The following PAPPA2 variants were observed in gnomAD, a reference collection of about 807,000 sequenced individuals.
PAPPA2 encodes pappalysin 2, also known as pappalysin-2.
A neutral mutation model predicts 176.4 loss-of-function variants in PAPPA2; 86 were observed. That is an observed-to-expected ratio of 0.49 (90% CI 0.41 to 0.58). The LOEUF (loss-of-function observed/expected upper bound fraction) is 0.58, where lower values mean the gene tolerates loss of function less well. Ranked by LOEUF, PAPPA2 falls within the 20% of genes least tolerant of loss-of-function variation. The pLI, the probability that PAPPA2 is intolerant of heterozygous loss-of-function variation, is 0.00. For synonymous variants in PAPPA2, 809 were observed against 852.2 expected (o/e 0.95, Z 0.88); for missense variants, 2,073 against 2,256.9 (o/e 0.92, Z 1.65).
intron 1 of PAPPA2, among the ~76,000 whole-genome samples, chr1:176,469,417 C>T (rs146205230): frequency 7.0e-4 from 107 of 152,236 alleles, no homozygotes; most frequent in African/African-American, 2.4e-3. Context: ...ATAACACACA[C>T]ACCCCTCTAG....
At chr1:176,485,762 T>C (rs1425017063) in intron 1 of PAPPA2, among the ~76,000 whole-genome samples, 3 of 152,074 alleles carry the variant, frequency 2.0e-5, no homozygotes, top group Non-Finnish European at 2.9e-5. Context: ...AATTCAGTGA[T>C]TGGGAATTTG....
At position 176,595,598 on chromosome 1, in the gene PAPPA2, A is replaced by G. The variant is rs774404842; in HGVS notation, c.1991+3A>G. On this transcript the variant is annotated splice_donor_region_variant and intron_variant, in intron 3 of 22. Transcript: ENST00000367662. Reference sequence around the variant, plus strand: ...TTTGACCCTGACTCACCCAAGAGGTAAGGGACTGGGATTTGGGGTGTCCTA... The same window carrying G: ...TTTGACCCTGACTCACCCAAGAGGTGAGGGACTGGGATTTGGGGTGTCCTA... 5.6e-6 allele frequency: 9 copies of G among 1,605,498 alleles called. No individual in the cohort carries two copies.
At chr1:176,679,954 T>A (rs1659500928) in intron 4 of PAPPA2, among the ~76,000 whole-genome samples, 1 of 152,168 alleles carries the variant, frequency 6.6e-6, no homozygotes, top group African/African-American at 2.4e-5. Flanking sequence ...CTCCATAGAT[T>A]TGTGTGGATT....
At chr1:176,824,384 A>C (rs1666777522) in intron 21 of PAPPA2, among the ~76,000 whole-genome samples, 1 of 152,220 alleles carries the variant, frequency 6.6e-6, no homozygotes, top group South Asian at 2.1e-4. Context: ...AACATCCTAC[A>C]AGTAGTTAAT....
chr1:176,621,250 GAC>G (rs1655578323), intron 3 of PAPPA2, among the ~76,000 whole-genome samples: 1 of 152,164 alleles, frequency 6.6e-6, no homozygotes, highest in Non-Finnish European at 1.5e-5. Flanking sequence ...GATGTTCGCA[GAC>G]TAAGTCATTG....
At chr1:176,736,406 A>G (rs1662414217) in intron 12 of PAPPA2, among the ~76,000 whole-genome samples, 1 of 150,630 alleles carries the variant, frequency 6.6e-6, no homozygotes, top group South Asian at 2.1e-4. Flanking sequence ...CTCTCTCTAT[A>G]TATATGTATG....
At chr1:176,842,239 C>T (rs1667515013) in intron 22 of PAPPA2, 141 bp from the exon 23 acceptor site, 3 of 723,562 alleles carry the variant, frequency 4.1e-6, no homozygotes, top group Non-Finnish European at 7.0e-6. Flanking sequence ...AGTGGGAAAA[C>T]TGCGTGTTAA....
At chr1:176,811,526 C>T (rs1474588527) in intron 21 of PAPPA2, among the ~76,000 whole-genome samples, 1 of 152,158 alleles carries the variant, frequency 6.6e-6, no homozygotes, top group Non-Finnish European at 1.5e-5. Context: ...TAATGGCCTA[C>T]AAGCCAATAA....
intron 2 of PAPPA2, among the ~76,000 whole-genome samples, chr1:176,582,744 T>C (rs1181670304): frequency 1.3e-5 from 2 of 152,176 alleles, no homozygotes; most frequent in African/African-American, 4.8e-5. Flanking sequence ...CTTGTCTGGT[T>C]TTGGTATTAG....
chr1:176,601,558 C>A (rs1279947140), intron 3 of PAPPA2, among the ~76,000 whole-genome samples: 1 of 152,168 alleles, frequency 6.6e-6, no homozygotes. Flanking sequence ...CATTACCCAG[C>A]CAGTTGAACA....
chr1:176,527,362 A>T (rs567294088), intron 1 of PAPPA2, among the ~76,000 whole-genome samples: 1 of 152,166 alleles, frequency 6.6e-6, no homozygotes, highest in African/African-American at 2.4e-5. Flanking sequence ...CACACTGGAG[A>T]TGAGGAAATT....
intron 1 of PAPPA2, among the ~76,000 whole-genome samples, chr1:176,473,129 T>TA (rs1651957786): frequency 1.3e-5 from 2 of 152,208 alleles, no homozygotes; most frequent in Non-Finnish European, 2.9e-5. Context: ...ACAATTATAA[T>TA]ATCCTACAGA....
intron 1 of PAPPA2, among the ~76,000 whole-genome samples, chr1:176,488,230 T>G (rs180739104): frequency 3.3e-5 from 5 of 152,230 alleles, no homozygotes; most frequent in African/African-American, 4.8e-5. Context: ...GCTGGTTGGG[T>G]CATAAGTCAT....
At chr1:176,774,119 C>T (rs1664347648) in intron 17 of PAPPA2, among the ~76,000 whole-genome samples, 2 of 152,148 alleles carry the variant, frequency 1.3e-5, no homozygotes, top group Admixed American at 1.3e-4. Flanking sequence ...ATTGATGTTC[C>T]TTCTTCCTGT....
chr1:176,760,640 C>G (rs1041516798), intron 14 of PAPPA2, among the ~76,000 whole-genome samples: 1 of 152,118 alleles, frequency 6.6e-6, no homozygotes, highest in African/African-American at 2.4e-5. Context: ...TTCCCAAGTA[C>G]AGTTATCATT....
chr1:176,561,121 G>T (rs185333762), intron 2 of PAPPA2, among the ~76,000 whole-genome samples: 279 of 152,314 alleles, frequency 1.8e-3, no homozygotes, highest in Middle Eastern at 3.4e-3. Flanking sequence ...CATCTCTGAC[G>T]CTTATCAGGG....
rs745552040 is a variant in PAPPA2 at position 176,594,613 on chromosome 1, C to T, written c.1009C>T (p.Arg337Cys). ...GAAGGACAAGGGAAAGCGGGATGCTCGCTTCTTCTTCTCCCTCTGCACCGA... is the reference window on the plus strand; with the variant it reads ...GAAGGACAAGGGAAAGCGGGATGCTTGCTTCTTCTTCTCCCTCTGCACCGA... ...SGKDKGKRDA[R>C]FFFSLCTDRV... The change falls in exon 3 of 23, where the codon CGC (arginine) becomes TGC (cysteine). Residue 337 changes from arginine (R) to cysteine (C), a missense_variant. Around this residue, in one of 4 missense-constraint regions of PAPPA2, gnomAD observed 1,196 missense variants for 1,330.4 expected, o/e 0.90. Transcript: ENST00000367662. 15 of 1,614,186 alleles carry T rather than the reference C, an allele frequency of 9.3e-6. No homozygotes were observed. Among genetic ancestry groups the T allele is most frequent in the East Asian group, 4.5e-5 (2 of 44,872 alleles).
rs201387547 is a variant in PAPPA2 at position 176,771,221 on chromosome 1, C to T, written c.4715+41C>T. The T allele has an allele frequency of 4.9e-5, 77 of 1,576,620 alleles. No individual in the cohort carries two copies. In the Middle Eastern group the frequency reaches 5.0e-4, roughly 10 times the overall value. ...CTGGTCTTTGGAGTTCTACCTACCT[C>T]GCTGCTTGTTATGTTTGTTTTTCTG... On this transcript the variant is annotated intron_variant, in intron 17 of 22. Coordinates refer to ENST00000367662, the MANE Select transcript of PAPPA2 (RefSeq NM_020318.3).
intron 4 of PAPPA2, among the ~76,000 whole-genome samples, chr1:176,682,045 G>T (rs1216499897): frequency 6.6e-6 from 1 of 152,188 alleles, no homozygotes; most frequent in Non-Finnish European, 1.5e-5. Flanking sequence ...TTCACAGGGG[G>T]TCTTCCAGGA....
Sources: gnomAD v4.1 joint callset for allele counts (sites outside exome capture counted in the v4.1 genomes callset) on GRCh38, gnomAD v4.1.1 for gene constraint, gnomAD v4.1.1 regional missense constraint, MANE v1.5 for transcripts, NCBI Gene and HGNC (gene_info 2026-07-23, HGNC 2026-07-21) for gene names.